ULK4: variants seen among roughly 807,000 people sequenced by gnomAD.
ULK4 encodes unc-51 like kinase 4.
A neutral mutation model predicts 160.6 loss-of-function variants in ULK4; 133 were observed. The observed-to-expected ratio is 0.83, with a 90% CI of 0.72 to 0.96. The LOEUF (loss-of-function observed/expected upper bound fraction) is 0.96. ULK4 is among the 40% of genes least tolerant of loss of function. The pLI is 0.00. For missense variants in ULK4, 1,580 were observed against 1,499.5 expected (o/e 1.05, Z -0.89); for synonymous variants, 534 against 539.8 (o/e 0.99, Z 0.15).
intron 29 of ULK4, among the ~76,000 whole-genome samples, chr3:41,670,687 A>G (rs2035509998): frequency 6.6e-6 from 1 of 152,074 alleles, no homozygotes; most frequent in Non-Finnish European, 1.5e-5. Flanking sequence ...AGTGTTAAAT[A>G]TAATTGCACA....
At chr3:41,754,256 T>TA (rs1020736025) in intron 22 of ULK4, 105 bp downstream of exon 22, 885 of 1,292,714 alleles carry the variant, frequency 6.8e-4, no homozygotes, top group South Asian at 1.0e-3. Context: ...GAAAAACTCT[T>TA]AAAAAAAAAT....
chr3:41,294,330 TGAA>T, intron 35 of ULK4, among the ~76,000 whole-genome samples: 1 of 152,296 alleles, frequency 6.6e-6, no homozygotes, highest in Admixed American at 6.5e-5. Context: ...CACCAGACAA[TGAA>T]CCTGCTCATG....
intron 12 of ULK4, among the ~76,000 whole-genome samples, chr3:41,905,276 G>A (rs542104409): frequency 1.3e-4 from 16 of 121,766 alleles, no homozygotes; most frequent in African/African-American, 2.6e-4. Context: ...TGGATGTTTC[G>A]ATGCAAAACA....
At chr3:41,642,346 C>T (rs1194117174) in intron 30 of ULK4, among the ~76,000 whole-genome samples, 1 of 152,080 alleles carries the variant, frequency 6.6e-6, no homozygotes, top group African/African-American at 2.4e-5. Flanking sequence ...CTACTCCCCC[C>T]ACCCCACAAC....
At chr3:41,297,487 C>CT (rs971795374) in intron 35 of ULK4, among the ~76,000 whole-genome samples, 1 of 152,184 alleles carries the variant, frequency 6.6e-6, no homozygotes, top group Non-Finnish European at 1.5e-5. Flanking sequence ...GTGGCAGAAC[C>CT]TTTTTTCCTT....
rs78622631 is a variant in ULK4, at chr3:41,382,369, A to G, written c.3678+15710T>C. ...TTACTGAGGACTTTTTCTGTGTGGT[A>G]CTGAAAAATGCTGAATAACTCATTA... On this transcript the variant is annotated intron_variant, in intron 35 of 36. Transcript: ENST00000301831. Among the ~76,000 whole-genome samples, 1,018 of 152,308 alleles carry G rather than the reference A, an allele frequency of 6.7e-3. 4 individuals carry two copies. The highest frequency in any genetic ancestry group is 0.015 in the East Asian group (78 of 5,184).
chr3:41,254,155 CATTT>C (rs746841200), intron 35 of ULK4, among the ~76,000 whole-genome samples: 15 of 152,186 alleles, frequency 9.9e-5, no homozygotes, highest in Non-Finnish European at 2.2e-4. Flanking sequence ...ATCCTATTGA[CATTT>C]GTAGATCACT....
At chr3:41,831,531 A>ATATATATATATATATTTTTTTT in intron 18 of ULK4, among the ~76,000 whole-genome samples, 2 of 138,054 alleles carry the variant, frequency 1.4e-5, no homozygotes, top group East Asian at 2.1e-4. Context: ...ATATATATAT[A>ATATATATATATATATTTTTTTT]TTTTTTTTTC....
chr3:41,523,231 T>C (rs538307083), intron 32 of ULK4, among the ~76,000 whole-genome samples: 1 of 152,316 alleles, frequency 6.6e-6, no homozygotes, highest in East Asian at 1.9e-4. Context: ...TTATTCATTT[T>C]GGTGGCCCTA....
At chr3:41,678,701 G>A (rs2035819457) in intron 29 of ULK4, among the ~76,000 whole-genome samples, 1 of 152,176 alleles carries the variant, frequency 6.6e-6, no homozygotes, top group Non-Finnish European at 1.5e-5. Flanking sequence ...ACTTCCCTGT[G>A]CGAAGTGGGG....
intron 20 of ULK4, among the ~76,000 whole-genome samples, chr3:41,799,403 C>G (rs2040392187): frequency 6.6e-6 from 1 of 152,144 alleles, no homozygotes. Flanking sequence ...ACCAAAATCA[C>G]AGATGCTTGA....
At chr3:41,925,473 T>C (rs1699347732) in intron 5 of ULK4, among the ~76,000 whole-genome samples, 1 of 152,108 alleles carries the variant, frequency 6.6e-6, no homozygotes, top group Admixed American at 6.6e-5. Context: ...CAAAACTGGG[T>C]GGCCGTTGGG....
chr3:41,766,332 C>T (rs1282020258), intron 21 of ULK4, among the ~76,000 whole-genome samples: 1 of 152,196 alleles, frequency 6.6e-6, no homozygotes, highest in African/African-American at 2.4e-5. Flanking sequence ...CTACTACATA[C>T]TTACTCTAAG....
At chr3:41,896,089 A>G (rs1486758415) in intron 15 of ULK4, among the ~76,000 whole-genome samples, 1 of 152,152 alleles carries the variant, frequency 6.6e-6, no homozygotes, top group Non-Finnish European at 1.5e-5. Flanking sequence ...GAAGAGGAAA[A>G]AAATGTCTTA....
chr3:41,425,387 C>A (rs1400002333), intron 34 of ULK4, among the ~76,000 whole-genome samples: 1 of 152,100 alleles, frequency 6.6e-6, no homozygotes, highest in Non-Finnish European at 1.5e-5. Flanking sequence ...CAGATATCAT[C>A]CAAGAGAACT....
chr3:41,893,556 A>G (rs1698045762), intron 16 of ULK4, among the ~76,000 whole-genome samples: 3 of 152,268 alleles, frequency 2.0e-5, no homozygotes, highest in Admixed American at 2.0e-4. Flanking sequence ...CTAATTCTAC[A>G]AATCTTCCCT....
chr3:41,847,987 T>C (rs1488064737), intron 17 of ULK4, among the ~76,000 whole-genome samples: 2 of 152,212 alleles, frequency 1.3e-5, no homozygotes, highest in Admixed American at 1.3e-4. Context: ...AAAATGTCCT[T>C]GCAAGGTTGT....
intron 30 of ULK4, among the ~76,000 whole-genome samples, chr3:41,657,199 G>A (rs2034969414): frequency 6.6e-6 from 1 of 152,052 alleles, no homozygotes; most frequent in Admixed American, 6.6e-5. Context: ...TCACTTGAAA[G>A]GGAACAATAA....
At chr3:41,959,985 AAC>A (rs1700616222) in intron 1 of ULK4, among the ~76,000 whole-genome samples, 1 of 152,202 alleles carries the variant, frequency 6.6e-6, no homozygotes, top group African/African-American at 2.4e-5. Flanking sequence ...CAGTATGTAT[AAC>A]TGATTTCTTG....
Sources: allele counts gnomAD v4.1 joint callset (sites outside exome capture counted in the v4.1 genomes callset), GRCh38; gene constraint gnomAD v4.1.1; transcripts MANE v1.5; gene names NCBI Gene and HGNC (gene_info 2026-07-23, HGNC 2026-07-21).